The following EWSR1 variants were observed in gnomAD, a reference collection of about 807,000 sequenced individuals.
The protein encoded by EWSR1 is EWS RNA binding protein 1.
EWSR1 carries 14 observed loss-of-function variants against 92.1 expected under a neutral mutation model. The observed-to-expected ratio is 0.15, with a 90% CI of 0.10 to 0.24. The LOEUF (loss-of-function observed/expected upper bound fraction) is 0.24, where lower values mean the gene tolerates loss of function less well. EWSR1 is among the 10% of genes least tolerant of loss of function. The probability of loss-of-function intolerance (pLI) is 1.00; values close to 1 mark genes in which losing one functional copy is unlikely to be tolerated. For missense variants in EWSR1, 637 were observed against 870.9 expected (o/e 0.73, Z 3.38); for synonymous variants, 303 against 292.9 (o/e 1.03, Z -0.35).
intron 4 of EWSR1, 136 bp downstream of exon 4, chr22:29,274,000 T>C: frequency 8.4e-7 from 1 of 1,184,734 alleles, no homozygotes. Context: ...TAGGAAGAGG[T>C]ATTTTTTCTC....
Position 29,292,474 on chromosome 22 carries a change from G to A in EWSR1, c.1046-14G>A, listed in dbSNP as rs1222512908. 1 of 1,541,804 alleles carries A rather than the reference G, an allele frequency of 6.5e-7. No homozygotes were observed. Among genetic ancestry groups the A allele is most frequent in the Admixed American group, 1.7e-5 (1 of 59,582 alleles). On this transcript the variant is annotated splice_polypyrimidine_tract_variant and intron_variant, in intron 10 of 16. Transcript: ENST00000397938. ...TACATGATAATAATTCTCCTGTCTT[G>A]TTGTCTCTGAAAGGCCCACCTGTAG...
intron 4 of EWSR1, chr22:29,274,350 C>T: frequency 1.3e-6 from 2 of 1,563,242 alleles, no homozygotes; most frequent in Non-Finnish European, 1.8e-6. Flanking sequence ...TAATGTTAAT[C>T]CTTTAGGTGT....
chr22:29,300,071 G>A (rs367983755), intron 16 of EWSR1, 51 bp from the exon 17 acceptor site: 2 of 1,548,322 alleles, frequency 1.3e-6, no homozygotes, highest in Non-Finnish European at 1.7e-6. Context: ...GCTCTGGAAG[G>A]GCTTCCTCAC....
intron 6 of EWSR1, among the ~76,000 whole-genome samples, chr22:29,285,543 A>G (rs898974142): frequency 2.6e-5 from 4 of 151,434 alleles, no homozygotes; most frequent in East Asian, 1.9e-4. Context: ...AGTTTCCTCT[A>G]TTAATACTCA....
intron 5 of EWSR1, among the ~76,000 whole-genome samples, chr22:29,281,204 G>C (rs909081054): frequency 6.6e-6 from 1 of 151,834 alleles, no homozygotes; most frequent in Non-Finnish European, 1.5e-5. Flanking sequence ...TAGTAGAGAC[G>C]GGGTTTCTCC....
At chr22:29,288,909 T>C (rs772833267) in intron 8 of EWSR1, 123 bp downstream of exon 8, 95 of 924,026 alleles carry the variant, frequency 1.0e-4, no homozygotes, top group Non-Finnish European at 1.4e-4. Flanking sequence ...TCTGTTGAGC[T>C]CAAGCCATCT....
At chr22:29,283,786 C>T (rs1179723352) in intron 6 of EWSR1, among the ~76,000 whole-genome samples, 1 of 150,574 alleles carries the variant, frequency 6.6e-6, no homozygotes, top group Non-Finnish European at 1.5e-5. Flanking sequence ...CACCCGCCTC[C>T]ACCTCCCAAA....
Position 29,300,462 on chromosome 22 carries a change from T to G in EWSR1, c.*301T>G. ...CAAGAGGGCCTCTTAACTGTAACAA[T>G]GTTCATGGTTGTGATGTTTTTTTTT... On this transcript the variant is annotated 3_prime_UTR_variant, in exon 17 of 17. Coordinates refer to ENST00000397938, the MANE Select transcript of EWSR1 (RefSeq NM_005243.4). 3.3e-6 allele frequency: 1 copy of G among 304,254 alleles called. No individual in the cohort carries two copies. Among genetic ancestry groups the G allele is most frequent in the Non-Finnish European group, 6.0e-6 (1 of 167,200 alleles). 18.8% of individuals were successfully genotyped at this position (304,254 alleles called of 1,614,324 possible). A position where few individuals can be genotyped will look rare whatever the true frequency, so the allele number is the denominator to read the frequency against.
intron 9 of EWSR1, 148 bp downstream of exon 9, chr22:29,291,747 G>A (rs1214826912): frequency 1.4e-6 from 1 of 695,078 alleles, no homozygotes; most frequent in Non-Finnish European, 2.3e-6. Context: ...TTGTCTTAGG[G>A]GTTAATAAGG....
chr22:29,277,064 C>T (rs546164425), intron 4 of EWSR1: 27 of 229,916 alleles, frequency 1.2e-4, no homozygotes, highest in Non-Finnish European at 2.1e-4. Flanking sequence ...TCATGCTCCA[C>T]GCCGAAGTCC....
intron 4 of EWSR1, 125 bp from the exon 5 acceptor site, chr22:29,277,905 A>C (rs1252782229): frequency 1.3e-6 from 1 of 758,610 alleles, no homozygotes; most frequent in East Asian, 2.9e-5. Context: ...CGGAAGGGGG[A>C]ATATTTAAAG....
At chr22:29,286,518 C>A (rs2147330157) in intron 6 of EWSR1, among the ~76,000 whole-genome samples, 1 of 151,820 alleles carries the variant, frequency 6.6e-6, no homozygotes, top group Admixed American at 6.6e-5. Context: ...GAAACCCTGT[C>A]TCTACTAAAA....
chr22:29,295,540 C>A (rs2060790266), intron 11 of EWSR1: 1 of 218,734 alleles, frequency 4.6e-6, no homozygotes. Flanking sequence ...TTAGGTATCA[C>A]GTTCCTTTTT....
At chr22:29,273,599 CTTGTT>C (rs2058860499) in intron 3 of EWSR1, 137 bp from the exon 4 acceptor site, 1 of 913,736 alleles carries the variant, frequency 1.1e-6, no homozygotes, top group Admixed American at 3.0e-5. Context: ...GATTATTTGT[CTTGTT>C]TTGTTGTTTT....
At chr22:29,290,671 C>G in intron 8 of EWSR1, 3 of 1,373,458 alleles carry the variant, frequency 2.2e-6, no homozygotes, top group Non-Finnish European at 2.8e-6. Context: ...AAAGTGTAAA[C>G]TTTTGTGTTT....
chr22:29,287,240 C>A, intron 7 of EWSR1, 106 bp downstream of exon 7: 1 of 1,124,920 alleles, frequency 8.9e-7, no homozygotes, highest in Non-Finnish European at 1.3e-6. Context: ...TGGAGTTTCA[C>A]TCTTGGGGCT....
intron 5 of EWSR1, among the ~76,000 whole-genome samples, chr22:29,282,140 T>C (rs1168940882): frequency 1.3e-5 from 2 of 152,226 alleles, no homozygotes; most frequent in Admixed American, 1.3e-4. Context: ...AGCATATTAA[T>C]GTCTCTTCTG....
At chr22:29,273,159 A>G (rs1021348927) in intron 3 of EWSR1, among the ~76,000 whole-genome samples, 3 of 152,216 alleles carry the variant, frequency 2.0e-5, no homozygotes, top group Non-Finnish European at 2.9e-5. Flanking sequence ...TCTAAGTTCA[A>G]AAGACAGTAC....
chr22:29,282,795 C>T (rs2059711745), intron 6 of EWSR1, among the ~76,000 whole-genome samples: 1 of 149,834 alleles, frequency 6.7e-6, no homozygotes, highest in African/African-American at 2.5e-5. Flanking sequence ...CGGAGTCTCT[C>T]TCTGTCGCCC....
Sources: allele counts gnomAD v4.1 joint callset (sites outside exome capture counted in the v4.1 genomes callset), GRCh38; gene constraint gnomAD v4.1.1; transcripts MANE v1.5; gene names NCBI Gene and HGNC (gene_info 2026-07-23, HGNC 2026-07-21).